The following RAD51B variants were observed in gnomAD, a reference collection of about 807,000 sequenced individuals.
RAD51B encodes RAD51 paralog B, also known as DNA repair protein RAD51 homolog 2.
Under a neutral mutation model 42.2 loss-of-function variants are expected in RAD51B, and 38 were observed. The observed-to-expected ratio is 0.90, with a 90% CI of 0.70 to 1.18. The LOEUF is 1.18. Ranked by LOEUF, RAD51B falls within the 50% of genes most tolerant of loss-of-function variation. The pLI is 0.00. For synonymous variants in RAD51B, 154 were observed against 145.2 expected, an observed-to-expected ratio of 1.06 and a Z score of -0.43; for missense variants, 373 against 400.7, an observed-to-expected ratio of 0.93 and a Z score of 0.59.
intron 7 of RAD51B, among the ~76,000 whole-genome samples, chr14:67,952,997 T>G (rs1301883271): frequency 6.6e-6 from 1 of 152,116 alleles, no homozygotes; most frequent in East Asian, 1.9e-4. Flanking sequence ...CTTACATATA[T>G]TCTAGTCCTG....
intron 7 of RAD51B, among the ~76,000 whole-genome samples, chr14:68,058,759 A>G (rs1423564338): frequency 6.6e-6 from 1 of 152,166 alleles, no homozygotes; most frequent in Non-Finnish European, 1.5e-5. Context: ...ATTATCTGTG[A>G]GATGAATTCT....
At chr14:68,284,904 A>G (rs917613481) in intron 7 of RAD51B, among the ~76,000 whole-genome samples, 1 of 152,196 alleles carries the variant, frequency 6.6e-6, no homozygotes. Context: ...GGATGTGGAC[A>G]GGAAGGGTTT....
At position 67,900,925 on chromosome 14, in the gene RAD51B, T is replaced by C. The variant is rs1277927938; in HGVS notation, c.756+13721T>C. On this transcript the variant is annotated intron_variant, in intron 7 of 10. Transcript: ENST00000471583. ...CCTGCCTGCTAACCTTGTGTTGGAGTCTGCTTAGTCCCTAGTTCAGCTAGG... is the reference window on the plus strand; with the variant it reads ...CCTGCCTGCTAACCTTGTGTTGGAGCCTGCTTAGTCCCTAGTTCAGCTAGG... 2.0e-5 allele frequency among the ~76,000 whole-genome samples: 3 copies of C among 152,094 alleles called. No individual in the cohort carries two copies. The East Asian group carries it at 5.8e-4, about 29-fold the overall frequency.
rs1349451850 is a variant in RAD51B, at chr14:68,264,635, A to C, written c.757-27249A>C. 3.9e-5 allele frequency among the ~76,000 whole-genome samples: 6 copies of C among 152,328 alleles called. No individual in the cohort carries two copies. The East Asian group carries it at 1.2e-3, about 29-fold the overall frequency. On this transcript the variant is annotated intron_variant, in intron 7 of 10. Coordinates refer to ENST00000471583, the MANE Select transcript of RAD51B (RefSeq NM_133510.4). Reference sequence around the variant, plus strand: ...GTAAAGTAGATACAAATTTGTTACTATGACTTTTATGGAGCCTTGAGATAG... The same window carrying C: ...GTAAAGTAGATACAAATTTGTTACTCTGACTTTTATGGAGCCTTGAGATAG...
intron 7 of RAD51B, among the ~76,000 whole-genome samples, chr14:68,099,912 A>C (rs1052364720): frequency 6.6e-6 from 1 of 152,202 alleles, no homozygotes; most frequent in African/African-American, 2.4e-5. Context: ...TTAAATCTGG[A>C]AGGTGGCAGC....
intron 7 of RAD51B, among the ~76,000 whole-genome samples, chr14:68,036,922 C>G (rs901230377): frequency 1.2e-4 from 18 of 151,594 alleles, no homozygotes; most frequent in African/African-American, 4.4e-4. Context: ...ATATTTATCA[C>G]CCTGTGGTTA....
chr14:68,361,914 G>A (rs528797678), intron 8 of RAD51B, among the ~76,000 whole-genome samples: 50 of 152,158 alleles, frequency 3.3e-4, no homozygotes, highest in African/African-American at 1.1e-3. Flanking sequence ...GACCTCAAGC[G>A]ATCCTCCCAC....
At chr14:67,961,741 A>C (rs2140231257) in intron 7 of RAD51B, among the ~76,000 whole-genome samples, 1 of 151,918 alleles carries the variant, frequency 6.6e-6, no homozygotes, top group Non-Finnish European at 1.5e-5. Context: ...CTGGAAATCT[A>C]CTCTTTTTCT....
At chr14:67,878,031 C>T (rs1053965146) in intron 5 of RAD51B, among the ~76,000 whole-genome samples, 1 of 152,110 alleles carries the variant, frequency 6.6e-6, no homozygotes, top group African/African-American at 2.4e-5. Flanking sequence ...AACAAGTTTT[C>T]CCCCACTATT....
At chr14:68,315,566 G>A (rs2082040727) in intron 8 of RAD51B, among the ~76,000 whole-genome samples, 2 of 151,860 alleles carry the variant, frequency 1.3e-5, no homozygotes, top group Admixed American at 6.6e-5. Flanking sequence ...CTATCACCCA[G>A]GCTGGAGTGC....
chr14:68,215,001 G>A (rs1209534442), intron 7 of RAD51B, among the ~76,000 whole-genome samples: 1 of 152,172 alleles, frequency 6.6e-6, no homozygotes, highest in African/African-American at 2.4e-5. Flanking sequence ...AGAACAATTT[G>A]TTTTCCTCAG....
At position 67,846,338 on chromosome 14, in the gene RAD51B, G is replaced by A. The variant is rs117366537; in HGVS notation, c.315+11142G>A. ...GTGTGGGTTGCTGTCCTCCGTATGCGCGTTTGCAGTGGCAATGGCCACGCA... is the reference window on the plus strand; with the variant it reads ...GTGTGGGTTGCTGTCCTCCGTATGCACGTTTGCAGTGGCAATGGCCACGCA... On this transcript the variant is annotated intron_variant, in intron 4 of 10. Transcript: ENST00000471583. Among the ~76,000 whole-genome samples, 40 of 152,268 alleles carry A rather than the reference G, an allele frequency of 2.6e-4. No homozygotes were observed. In the East Asian group the frequency reaches 5.6e-3, roughly 21 times the overall value.
intron 11 of RAD51B, among the ~76,000 whole-genome samples, chr14:68,678,768 G>C (rs1004217687): frequency 1.3e-5 from 2 of 152,226 alleles, no homozygotes; most frequent in African/African-American, 4.8e-5. Context: ...GGTCTAGGCA[G>C]AGGCAGTCCA....
At chr14:67,842,669 C>G (rs913437030) in intron 4 of RAD51B, among the ~76,000 whole-genome samples, 3 of 152,180 alleles carry the variant, frequency 2.0e-5, no homozygotes, top group South Asian at 4.1e-4. Flanking sequence ...CGTGCCCAGC[C>G]TTATTTCTTT....
chr14:68,285,445 C>G (rs1398713091), intron 7 of RAD51B, among the ~76,000 whole-genome samples: 1 of 152,164 alleles, frequency 6.6e-6, no homozygotes, highest in Non-Finnish European at 1.5e-5. Context: ...AAGGCAGAGC[C>G]TCGTCACTTT....
chr14:68,170,209 G>A (rs887224900), intron 7 of RAD51B, among the ~76,000 whole-genome samples: 1 of 152,128 alleles, frequency 6.6e-6, no homozygotes, highest in Non-Finnish European at 1.5e-5. Flanking sequence ...AAATGTTGGT[G>A]GTTTTCCCTC....
At chr14:67,996,541 G>C (rs541251132) in intron 7 of RAD51B, among the ~76,000 whole-genome samples, 2 of 152,266 alleles carry the variant, frequency 1.3e-5, no homozygotes, top group East Asian at 3.9e-4. Flanking sequence ...CAGATAGAGA[G>C]AACAGTCAGT....
At chr14:68,356,900 A>C (rs12887666) in intron 8 of RAD51B, among the ~76,000 whole-genome samples, 2 of 149,896 alleles carry the variant, frequency 1.3e-5, no homozygotes, top group Non-Finnish European at 3.0e-5. Flanking sequence ...GGAGAATGGC[A>C]TGAACCCGGG....
chr14:68,497,374 A>C, intron 10 of RAD51B: 1 of 1,202,370 alleles, frequency 8.3e-7, no homozygotes, highest in Non-Finnish European at 1.0e-6. Context: ...ATTTGATACC[A>C]TGGCACTGAC....
Sources: allele counts gnomAD v4.1 joint callset (sites outside exome capture counted in the v4.1 genomes callset), GRCh38; gene constraint gnomAD v4.1.1; transcripts MANE v1.5; gene names NCBI Gene and HGNC (gene_info 2026-07-23, HGNC 2026-07-21).